The following PODXL variants were observed in gnomAD, a reference collection of about 807,000 sequenced individuals.
PODXL encodes podocalyxin.
Under a neutral mutation model 48.9 loss-of-function variants are expected in PODXL, and 20 were observed. The observed-to-expected ratio is 0.41, with a 90% CI of 0.29 to 0.59. PODXL has a LOEUF of 0.59. Among genes scored for constraint, PODXL ranks in the 20% least tolerant of loss-of-function variants. PODXL has a pLI of 0.31. For missense variants in PODXL, 606 were observed against 675.1 expected, an observed-to-expected ratio of 0.90 and a Z score of 1.13; for synonymous variants, 295 against 287.4, an observed-to-expected ratio of 1.03 and a Z score of -0.27.
At chr7:131,533,203 C>T (rs979299421) in intron 1 of PODXL, among the ~76,000 whole-genome samples, 2 of 152,166 alleles carry the variant, frequency 1.3e-5, no homozygotes, top group Admixed American at 6.5e-5. Context: ...CATGCTCCAC[C>T]CTCCCCGTCC....
At chr7:131,555,793 C>T (rs1233094202) in intron 1 of PODXL, among the ~76,000 whole-genome samples, 1 of 152,226 alleles carries the variant, frequency 6.6e-6, no homozygotes, top group Non-Finnish European at 1.5e-5. Context: ...TGGCTGGAGG[C>T]TTGTCACCTG....
intron 1 of PODXL, among the ~76,000 whole-genome samples, chr7:131,529,950 CGGG>C (rs1798249350): frequency 3.1e-5 from 1 of 32,660 alleles, no homozygotes; most frequent in Non-Finnish European, 2.0e-4. Context: ...GGGGTATAGG[CGGG>C]AGGGCTTGCG....
intron 1 of PODXL, among the ~76,000 whole-genome samples, chr7:131,552,341 A>G (rs1798681473): frequency 6.6e-6 from 1 of 152,166 alleles, no homozygotes; most frequent in Non-Finnish European, 1.5e-5. Context: ...CATCTCAGAG[A>G]TGATGCCTGA....
At chr7:131,523,698 A>AAAAAC (rs1562909361) in intron 1 of PODXL, among the ~76,000 whole-genome samples, 1 of 103,752 alleles carries the variant, frequency 9.6e-6, no homozygotes, top group African/African-American at 8.5e-5. Context: ...AAAAAAAAAA[A>AAAAAC]AAAACAAGAA....
intron 1 of PODXL, among the ~76,000 whole-genome samples, chr7:131,526,315 A>C (rs1286637370): frequency 6.6e-6 from 1 of 152,216 alleles, no homozygotes; most frequent in Non-Finnish European, 1.5e-5. Flanking sequence ...CAATTTGAGC[A>C]ACAAAACAAG....
chr7:131,556,101 C>A (rs1047753277), intron 1 of PODXL, among the ~76,000 whole-genome samples, 159 bp downstream of exon 1: 1 of 152,204 alleles, frequency 6.6e-6, no homozygotes, highest in Non-Finnish European at 1.5e-5. Context: ...TTGGAGGGGG[C>A]GTGGATGGTG....
chr7:131,506,511 T>C (rs1797805129), intron 6 of PODXL, 68 bp downstream of exon 6: 1 of 1,546,914 alleles, frequency 6.5e-7, no homozygotes, highest in Non-Finnish European at 8.9e-7. Flanking sequence ...CCCTCCAATG[T>C]GGCTTCTGCA....
intron 1 of PODXL, among the ~76,000 whole-genome samples, chr7:131,530,621 C>T (rs1179193040): frequency 6.6e-6 from 1 of 151,862 alleles, no homozygotes; most frequent in African/African-American, 2.4e-5. Context: ...TGGAGGGGCA[C>T]CTGTAGTCCC....
intron 1 of PODXL, among the ~76,000 whole-genome samples, chr7:131,536,339 CT>C (rs1798373414): frequency 6.6e-6 from 1 of 152,202 alleles, no homozygotes; most frequent in Non-Finnish European, 1.5e-5. Flanking sequence ...GAGAGGTGCC[CT>C]CCCCTCTGGA....
intron 5 of PODXL, 166 bp from the exon 6 acceptor site, chr7:131,506,892 G>C (rs1797815394): frequency 1.5e-6 from 1 of 667,120 alleles, no homozygotes; most frequent in Non-Finnish European, 2.6e-6. Context: ...GGAATCAAGG[G>C]TTGCATGCTG....
chr7:131,534,209 T>C (rs1055384296), intron 1 of PODXL, among the ~76,000 whole-genome samples: 1 of 152,130 alleles, frequency 6.6e-6, no homozygotes, highest in Non-Finnish European at 1.5e-5. Context: ...CAGTGAGGCA[T>C]GGCTGATCTG....
intron 1 of PODXL, among the ~76,000 whole-genome samples, chr7:131,534,927 C>T (rs1281368151): frequency 6.6e-6 from 1 of 151,938 alleles, no homozygotes; most frequent in South Asian, 2.1e-4. Flanking sequence ...GTGCTGTAGC[C>T]TGTAGTCCTA....
chr7:131,540,220 A>G (rs1240101620), intron 1 of PODXL, among the ~76,000 whole-genome samples: 2 of 151,922 alleles, frequency 1.3e-5, no homozygotes, highest in East Asian at 3.9e-4. Context: ...TATGTTTTTG[A>G]TTATTTTGTA....
intron 1 of PODXL, among the ~76,000 whole-genome samples, chr7:131,538,922 G>C (rs1798427900): frequency 1.3e-5 from 2 of 152,212 alleles, no homozygotes; most frequent in Non-Finnish European, 2.9e-5. Flanking sequence ...ACCCTCCCCA[G>C]GGGCCTCCTA....
In PODXL at chr7:131,501,366, G is replaced by A. The variant is rs922007182; in HGVS notation, c.*2945C>T. ...CATTATCAAAAAAATATGTGTATAT[G>A]TATCAGTTTGAACTTGTTCTTCAAA... is the stretch of plus-strand genomic sequence containing the variant. On this transcript the variant is annotated 3_prime_UTR_variant, in exon 9 of 9. Transcript: ENST00000378555. The A allele has an allele frequency of 6.6e-6, 1 of 152,558 alleles. No homozygotes were observed. Among genetic ancestry groups the A allele is most frequent in the Non-Finnish European group, 1.5e-5 (1 of 68,026 alleles). 9.5% of individuals were successfully genotyped at this position (152,558 alleles called of 1,614,324 possible).
intron 1 of PODXL, among the ~76,000 whole-genome samples, chr7:131,533,496 CTGGGCAGGAGAGGGCTGCCA>C (rs552340781): frequency 1.1e-3 from 164 of 152,340 alleles, no homozygotes; most frequent in African/African-American, 3.8e-3. Context: ...GCCTGCTTCC[CTGGGCAGGAGAGGGCTGCCA>C]CTGTCTAGCG....
intron 1 of PODXL, among the ~76,000 whole-genome samples, chr7:131,550,606 A>C (rs1421237723): frequency 6.6e-6 from 1 of 152,062 alleles, no homozygotes; most frequent in Non-Finnish European, 1.5e-5. Context: ...CCTGCACTCC[A>C]CCCTTGGCAA....
intron 1 of PODXL, among the ~76,000 whole-genome samples, chr7:131,538,751 C>G (rs1271223376): frequency 3.9e-5 from 6 of 152,164 alleles, no homozygotes. Context: ...CACTCCCGCT[C>G]CCACTGTTGT....
At chr7:131,506,785 GGGGCTGCCCTC>G (rs1308306870) in intron 5 of PODXL, 59 bp from the exon 6 acceptor site, 2 of 1,520,894 alleles carry the variant, frequency 1.3e-6, no homozygotes, top group Non-Finnish European at 1.8e-6. Flanking sequence ...CTAGGCCTGT[GGGGCTGCCCTC>G]CCAGCTAAGG....
Sources: gnomAD v4.1 joint callset for allele counts (sites outside exome capture counted in the v4.1 genomes callset) on GRCh38, gnomAD v4.1.1 for gene constraint, MANE v1.5 for transcripts, NCBI Gene and HGNC (gene_info 2026-07-23, HGNC 2026-07-21) for gene names.